The following TYR variants were observed in gnomAD, a reference collection of about 807,000 sequenced individuals.
TYR encodes the protein tyrosinase, also known as LB24-AB.
TYR carries 58 observed loss-of-function variants against 51.5 expected under a neutral mutation model. The ratio of observed to expected loss-of-function variants is 1.13; its 90% CI spans 0.91 to 1.40. TYR has a LOEUF of 1.40. Ranked by LOEUF, TYR falls within the 40% of genes most tolerant of loss-of-function variation. The pLI is 0.00. For synonymous variants in TYR, 263 were observed against 235.2 expected, an observed-to-expected ratio of 1.12 and a Z score of -1.08; for missense variants, 732 against 647.4, an observed-to-expected ratio of 1.13 and a Z score of -1.42.
At chr11:89,266,164 T>C (rs1944524197) in intron 3 of TYR, among the ~76,000 whole-genome samples, 1 of 152,016 alleles carries the variant, frequency 6.6e-6, no homozygotes. Flanking sequence ...CTTTGTTCAT[T>C]AGGCTAGACT....
At chr11:89,181,258 T>C (rs1400321239) in intron 1 of TYR, among the ~76,000 whole-genome samples, 2 of 152,142 alleles carry the variant, frequency 1.3e-5, no homozygotes, top group Non-Finnish European at 2.9e-5. Flanking sequence ...TCAAGTGATC[T>C]GTCCGCCTCA....
At chr11:89,278,471 G>T (rs1033709167) in intron 3 of TYR, among the ~76,000 whole-genome samples, 4 of 151,476 alleles carry the variant, frequency 2.6e-5, no homozygotes, top group Admixed American at 2.0e-4. Flanking sequence ...AAATAAAAAG[G>T]TCTTCTATTA....
chr11:89,262,581 T>A (rs1002674930), intron 3 of TYR, among the ~76,000 whole-genome samples: 11 of 116,096 alleles, frequency 9.5e-5, no homozygotes, highest in Non-Finnish European at 1.3e-4. Flanking sequence ...TCAACAAAAA[T>A]GACAAACATT....
chr11:89,247,604 A>G (rs1944282865), intron 3 of TYR, among the ~76,000 whole-genome samples: 1 of 152,210 alleles, frequency 6.6e-6, no homozygotes, highest in East Asian at 1.9e-4. Flanking sequence ...AAGAAACATG[A>G]CTTGTCATTA....
chr11:89,289,697 CTT>C (rs1159577201), intron 4 of TYR, among the ~76,000 whole-genome samples: 1 of 151,880 alleles, frequency 6.6e-6, no homozygotes, highest in Non-Finnish European at 1.5e-5. Context: ...AATACTTGCT[CTT>C]GAGAGTTTGT....
At chr11:89,276,205 C>A (rs1944652159) in intron 3 of TYR, among the ~76,000 whole-genome samples, 1 of 151,796 alleles carries the variant, frequency 6.6e-6, no homozygotes, top group Non-Finnish European at 1.5e-5. Flanking sequence ...TTTGTTCCCT[C>A]ACAGTGAAAG....
chr11:89,290,065 A>C (rs181030706), intron 4 of TYR, among the ~76,000 whole-genome samples: 1 of 152,202 alleles, frequency 6.6e-6, no homozygotes, highest in African/African-American at 2.4e-5. Context: ...TTGTTTTGTG[A>C]ATAAATGGGC....
intron 4 of TYR, among the ~76,000 whole-genome samples, chr11:89,291,301 A>G (rs1944850689): frequency 6.6e-6 from 1 of 151,944 alleles, no homozygotes; most frequent in Non-Finnish European, 1.5e-5. Flanking sequence ...TAATAGAAAC[A>G]ATAGGTTAAT....
chr11:89,234,108 C>A (rs1418810976), intron 3 of TYR, among the ~76,000 whole-genome samples: 1 of 143,824 alleles, frequency 7.0e-6, no homozygotes, highest in African/African-American at 2.7e-5. Context: ...ATATCTAAAT[C>A]TTCTGGATAA....
chr11:89,279,107 C>T (rs535700276), intron 3 of TYR, among the ~76,000 whole-genome samples: 1 of 151,688 alleles, frequency 6.6e-6, no homozygotes, highest in Non-Finnish European at 1.5e-5. Flanking sequence ...CCTTGTGATG[C>T]TGAGTATTTT....
intron 2 of TYR, among the ~76,000 whole-genome samples, chr11:89,203,071 A>G (rs1464356195): frequency 6.6e-6 from 1 of 152,252 alleles, no homozygotes; most frequent in Admixed American, 6.5e-5. Flanking sequence ...AGTAATAGAT[A>G]CTTGCATTTC....
At chr11:89,247,497 G>C (rs1489897038) in intron 3 of TYR, among the ~76,000 whole-genome samples, 1 of 152,110 alleles carries the variant, frequency 6.6e-6, no homozygotes, top group Non-Finnish European at 1.5e-5. Flanking sequence ...CAACAATGTA[G>C]CTGCTCTTTG....
At chr11:89,240,842 G>A (rs1366639848) in intron 3 of TYR, among the ~76,000 whole-genome samples, 1 of 152,260 alleles carries the variant, frequency 6.6e-6, no homozygotes, top group East Asian at 1.9e-4. Context: ...GTTACAAATA[G>A]AGAAGTTCAA....
At chr11:89,290,194 G>T (rs1383947205) in intron 4 of TYR, among the ~76,000 whole-genome samples, 1 of 151,982 alleles carries the variant, frequency 6.6e-6, no homozygotes, top group African/African-American at 2.4e-5. Context: ...AAAAAATTAC[G>T]ATATTGGGAC....
chr11:89,216,116 A>AGGTGT (rs1179030588), intron 2 of TYR, among the ~76,000 whole-genome samples: 1 of 152,174 alleles, frequency 6.6e-6, no homozygotes, highest in Admixed American at 6.5e-5. Context: ...TACCAATAGA[A>AGGTGT]GGTGTGAAAG....
chr11:89,293,352 C>G (rs34703992), intron 4 of TYR, among the ~76,000 whole-genome samples: 9 of 150,220 alleles, frequency 6.0e-5, no homozygotes, highest in Non-Finnish European at 1.3e-4. Context: ...CACACACACA[C>G]ACACACACAC....
intron 2 of TYR, among the ~76,000 whole-genome samples, chr11:89,215,771 A>C (rs1161760819): frequency 6.6e-6 from 1 of 152,160 alleles, no homozygotes; most frequent in Non-Finnish European, 1.5e-5. Flanking sequence ...TAGAAATGTC[A>C]TAAGAATCCC....
Position 89,231,702 on chromosome 11 carries a change from G to A in TYR, c.1184+3732G>A, listed in dbSNP as rs74732737. The stretch of plus-strand genomic sequence containing the variant: ...AAATTTCAGTTAAGTATAAGAAGTA[G>A]GCTGAGCGCAGTGGATCATGCCTGT... On this transcript the variant is annotated intron_variant, in intron 3 of 4. Coordinates refer to ENST00000263321, the MANE Select transcript of TYR (RefSeq NM_000372.5). Among the ~76,000 whole-genome samples, 382 of 142,882 alleles carry A rather than the reference G, an allele frequency of 2.7e-3. 51 individuals are homozygous for A. The East Asian group carries it at 0.041, about 15-fold the overall frequency. 93.7% of individuals were successfully genotyped at this position (142,882 alleles called of 152,430 possible). A position where few individuals can be genotyped will look rare whatever the true frequency, so the allele number is the denominator to read the frequency against.
intron 1 of TYR, among the ~76,000 whole-genome samples, chr11:89,189,872 A>T (rs1943419537): frequency 6.6e-6 from 1 of 152,108 alleles, no homozygotes; most frequent in African/African-American, 2.4e-5. Flanking sequence ...ATACAGTAGT[A>T]TGCCACACAA....
Sources: allele counts gnomAD v4.1 joint callset (sites outside exome capture counted in the v4.1 genomes callset), GRCh38; gene constraint gnomAD v4.1.1; transcripts MANE v1.5; gene names NCBI Gene and HGNC (gene_info 2026-07-23, HGNC 2026-07-21).